The following SUGCT variants were observed in gnomAD, a reference collection of about 807,000 sequenced individuals.
SUGCT encodes succinyl-CoA:glutarate CoA-transferase.
Under a neutral mutation model 55.0 loss-of-function variants are expected in SUGCT, and 41 were observed. The ratio of observed to expected loss-of-function variants is 0.74; its 90% confidence interval spans 0.58 to 0.97. SUGCT has a LOEUF of 0.97. Ranked by LOEUF, SUGCT falls within the 50% of genes least tolerant of loss-of-function variation. SUGCT has a pLI of 0.00. For synonymous variants in SUGCT, 187 were observed against 200.4 expected (o/e 0.93, Z 0.56); for missense variants, 568 against 547.8 (o/e 1.04, Z -0.37).
chr7:40,527,074 A>G (rs749522769), intron 12 of SUGCT, among the ~76,000 whole-genome samples: 1 of 152,224 alleles, frequency 6.6e-6, no homozygotes, highest in Non-Finnish European at 1.5e-5. Flanking sequence ...AAGCACAGCA[A>G]TGTGGCTTTC....
chr7:40,281,600 A>G lies in SUGCT; in HGVS notation c.720+6944A>G, dbSNP rs147137264. The stretch of plus-strand genomic sequence containing the variant: ...TCTGTATTCACTGAGACAATCATAT[A>G]ATTTTTATCCTTCATTCTGTTAATG... On this transcript the variant is annotated intron_variant, in intron 8 of 13. Coordinates refer to ENST00000335693, the MANE Select transcript of SUGCT (RefSeq NM_001193313.2). Among the ~76,000 whole-genome samples the G allele has an allele frequency of 4.0e-3, 604 of 152,318 alleles. 4 individuals are homozygous for G. The highest frequency in any genetic ancestry group is 0.013 in the African/African-American group (554 of 41,582).
chr7:40,738,270 A>T (rs1451588961), intron 12 of SUGCT, among the ~76,000 whole-genome samples: 2 of 152,026 alleles, frequency 1.3e-5, no homozygotes, highest in Non-Finnish European at 2.9e-5. Context: ...ATGTGAGGAA[A>T]CAATCTCAAT....
At chr7:40,167,386 T>C (rs1784471975) in intron 1 of SUGCT, among the ~76,000 whole-genome samples, 1 of 152,172 alleles carries the variant, frequency 6.6e-6, no homozygotes, top group Non-Finnish European at 1.5e-5. Context: ...AAAGGGCAGG[T>C]GGAAAGTTTT....
chr7:40,930,886 C>G, the SUGCT span, among the ~76,000 whole-genome samples: 1 of 152,276 alleles, frequency 6.6e-6, no homozygotes, highest in East Asian at 1.9e-4. Context: ...ATTTGACTTC[C>G]TCTTTTCCTA....
the SUGCT span, among the ~76,000 whole-genome samples, chr7:40,998,547 A>T: frequency 0.9 from 136,773 of 152,262 alleles, 61,631 homozygotes; most frequent in African/African-American, 0.97. Context: ...TGTGCCCAGC[A>T]GTCATAAATT....
intron 13 of SUGCT, among the ~76,000 whole-genome samples, chr7:40,830,760 C>T (rs1170000998): frequency 6.6e-6 from 1 of 152,210 alleles, no homozygotes; most frequent in Non-Finnish European, 1.5e-5. Context: ...TGATTCATTG[C>T]TACCAGCAAA....
At chr7:40,645,215 T>C (rs1800444661) in intron 12 of SUGCT, among the ~76,000 whole-genome samples, 1 of 152,196 alleles carries the variant, frequency 6.6e-6, no homozygotes, top group Non-Finnish European at 1.5e-5. Context: ...TTGGCTGCTC[T>C]GCCTAAAATG....
At chr7:40,771,763 T>C (rs970287392) in intron 13 of SUGCT, among the ~76,000 whole-genome samples, 1 of 152,180 alleles carries the variant, frequency 6.6e-6, no homozygotes, top group East Asian at 1.9e-4. Flanking sequence ...CTTAAAAACA[T>C]GTAATCTAAT....
chr7:40,336,868 T>G (rs1796739686), intron 9 of SUGCT, among the ~76,000 whole-genome samples: 1 of 152,230 alleles, frequency 6.6e-6, no homozygotes, highest in Non-Finnish European at 1.5e-5. Flanking sequence ...TCTTTCCTGC[T>G]TTGTCTTGTG....
intron 1 of SUGCT, among the ~76,000 whole-genome samples, chr7:40,169,819 A>G (rs1784589285): frequency 6.6e-6 from 1 of 151,788 alleles, no homozygotes; most frequent in South Asian, 2.1e-4. Flanking sequence ...TGCCAAGTTC[A>G]ATAGGGTTTC....
intron 12 of SUGCT, among the ~76,000 whole-genome samples, chr7:40,712,066 A>C (rs529496632): frequency 1.3e-5 from 2 of 152,260 alleles, no homozygotes; most frequent in Non-Finnish European, 2.9e-5. Context: ...CGGCCCAGCC[A>C]TAACAGCTGG....
chr7:40,243,023 A>G (rs1374383375), intron 7 of SUGCT, among the ~76,000 whole-genome samples: 1 of 133,250 alleles, frequency 7.5e-6, no homozygotes, highest in Non-Finnish European at 1.5e-5. Flanking sequence ...CAGCCTCAAC[A>G]TCCCGGGGCT....
intron 13 of SUGCT, among the ~76,000 whole-genome samples, chr7:40,831,757 C>T (rs1262184045): frequency 6.6e-6 from 1 of 152,224 alleles, no homozygotes; most frequent in East Asian, 1.9e-4. Flanking sequence ...GATCCTATCT[C>T]TGTGTGATAC....
intron 9 of SUGCT, among the ~76,000 whole-genome samples, chr7:40,377,336 G>A (rs961443373): frequency 4.0e-5 from 6 of 149,280 alleles, no homozygotes; most frequent in Non-Finnish European, 5.9e-5. Flanking sequence ...TCCGCCTCCC[G>A]GATTCAAGCG....
the SUGCT span, among the ~76,000 whole-genome samples, chr7:40,904,794 A>ATATATG: frequency 6.6e-6 from 1 of 152,210 alleles, no homozygotes; most frequent in African/African-American, 2.4e-5. Flanking sequence ...GTATACACAC[A>ATATATG]TATATGTATA....
intron 12 of SUGCT, among the ~76,000 whole-genome samples, chr7:40,713,348 C>T (rs979759444): frequency 1.7e-4 from 26 of 152,198 alleles, no homozygotes; most frequent in Admixed American, 4.6e-4. Flanking sequence ...GGCCTCCGAG[C>T]ATTTCCTTAG....
intron 12 of SUGCT, among the ~76,000 whole-genome samples, chr7:40,513,021 C>A (rs1293901863): frequency 6.6e-6 from 1 of 152,062 alleles, no homozygotes; most frequent in Non-Finnish European, 1.5e-5. Flanking sequence ...GGCAATGGAG[C>A]CCAGCATGAT....
the SUGCT span, among the ~76,000 whole-genome samples, chr7:40,898,905 G>A: frequency 6.6e-6 from 1 of 152,104 alleles, no homozygotes; most frequent in Admixed American, 6.5e-5. Flanking sequence ...CTAGGTACAT[G>A]AAGAAGCTGT....
At chr7:40,741,991 A>G (rs117676151) in intron 12 of SUGCT, among the ~76,000 whole-genome samples, 1,914 of 152,290 alleles carry the variant, frequency 0.013, 21 homozygotes, top group Non-Finnish European at 0.019. Context: ...GACTGGGTAC[A>G]CCTGGGACTT....
Sources: allele counts gnomAD v4.1 joint callset (sites outside exome capture counted in the v4.1 genomes callset), GRCh38; gene constraint gnomAD v4.1.1; transcripts MANE v1.5; gene names NCBI Gene and HGNC (gene_info 2026-07-23, HGNC 2026-07-21).